The following PPP2R1A variants were observed in gnomAD, a reference collection of about 807,000 sequenced individuals.
The protein encoded by PPP2R1A is protein phosphatase 2 scaffold subunit Aalpha.
A neutral mutation model predicts 67.1 loss-of-function variants in PPP2R1A; 15 were observed. The ratio of observed to expected loss-of-function variants is 0.22; its 90% CI spans 0.15 to 0.34. The LOEUF (loss-of-function observed/expected upper bound fraction) is 0.34. Ranked by LOEUF, PPP2R1A falls within the 10% of genes least tolerant of loss-of-function variation. The pLI, the probability that PPP2R1A is intolerant of heterozygous loss-of-function variation, is 1.00. For synonymous variants in PPP2R1A, 337 were observed against 325.0 expected (o/e 1.04, Z -0.40); for missense variants, 369 against 775.0 (o/e 0.48, Z 6.22).
chr19:52,224,731 G>A lies in PPP2R1A; in HGVS notation c.1662-986G>A, dbSNP rs916777702. 3.3e-5 allele frequency among the ~76,000 whole-genome samples: 5 copies of A among 152,116 alleles called. No individual in the cohort carries two copies. In the East Asian group the frequency reaches 9.6e-4, roughly 29 times the overall value. On this transcript the variant is annotated intron_variant, in intron 13 of 14. Coordinates refer to ENST00000322088, the MANE Select transcript of PPP2R1A (RefSeq NM_014225.6). The stretch of plus-strand genomic sequence containing the variant: ...TGGTTTTCCTTTGAGGCAGAATCTC[G>A]CTCTGTCGCCCAGACTGGAGTACAG...
chr19:52,202,083 G>A (rs2089555223), intron 2 of PPP2R1A, 49 bp downstream of exon 2: 2 of 1,481,582 alleles, frequency 1.3e-6, no homozygotes, highest in African/African-American at 2.8e-5. Context: ...CTTGGGAGGT[G>A]GTTTTCACTA....
intron 13 of PPP2R1A, among the ~76,000 whole-genome samples, chr19:52,223,519 C>G (rs1004631966): frequency 6.6e-6 from 1 of 152,060 alleles, no homozygotes; most frequent in African/African-American, 2.4e-5. Flanking sequence ...TACCTGTCTA[C>G]AAATCAGGCA....
intron 9 of PPP2R1A, among the ~76,000 whole-genome samples, chr19:52,218,042 A>T (rs897364147): frequency 6.6e-6 from 1 of 152,132 alleles, no homozygotes; most frequent in Non-Finnish European, 1.5e-5. Context: ...GTATGTAGAG[A>T]TGAGGCTGCA....
rs537776204 is a variant in PPP2R1A, at chr19:52,227,569, A to T, written c.*1588A>T. On this transcript the variant is annotated 3_prime_UTR_variant, in exon 15 of 15. Transcript: ENST00000322088. ...TGCATGGAAGGGTTTCACAGAGGAA[A>T]TGATGCTTGAGCACATTTTGACCCA... 6.6e-6 allele frequency: 1 copy of T among 152,220 alleles called. No homozygotes were observed. Among genetic ancestry groups the T allele is most frequent in the African/African-American group, 2.4e-5 (1 of 41,442 alleles). 9.4% of individuals were successfully genotyped at this position (152,220 alleles called of 1,614,324 possible). A position where few individuals can be genotyped will look rare whatever the true frequency, so the allele number is the denominator to read the frequency against.
rs1362310896 is a variant in PPP2R1A, at chr19:52,213,468, T to TG, written c.807+358_807+359insG. 4.5e-5 allele frequency among the ~76,000 whole-genome samples: 5 copies of TG among 111,380 alleles called. No individual in the cohort carries two copies. The highest frequency in any genetic ancestry group is 1.6e-4 in the Admixed American group (2 of 12,182). 73.1% of individuals were successfully genotyped at this position (111,380 alleles called of 152,430 possible). A position where few individuals can be genotyped will look rare whatever the true frequency, so the allele number is the denominator to read the frequency against. On this transcript the variant is annotated intron_variant, in intron 6 of 14. Transcript: ENST00000322088. This position sits in a 1 kb window ranked among gnomAD's most constrained non-coding sequence, Gnocchi z 4.2. The stretch of plus-strand genomic sequence containing the variant: ...TGGGGTTTTTTGGTGTTTTTTTTTT[T>TG]TTTTTTTTTTTTTTTTTTTAAGATG...
chr19:52,222,339 A>G (rs1313297454), intron 13 of PPP2R1A, 98 bp downstream of exon 13: 15 of 1,468,674 alleles, frequency 1.0e-5, no homozygotes, highest in East Asian at 4.9e-5. Flanking sequence ...GAGGCCTGGC[A>G]GCGCTCCTTG....
At chr19:52,195,440 A>G (rs2089489371) in intron 1 of PPP2R1A, among the ~76,000 whole-genome samples, 1 of 152,216 alleles carries the variant, frequency 6.6e-6, no homozygotes, top group Non-Finnish European at 1.5e-5. Flanking sequence ...GCAAGCATTC[A>G]GTTCTGCAGC....
At chr19:52,225,658 C>T (rs2122381290) in intron 13 of PPP2R1A, 59 bp from the exon 14 acceptor site, 2 of 1,512,350 alleles carry the variant, frequency 1.3e-6, no homozygotes, top group South Asian at 1.1e-5. Flanking sequence ...CTGTGCCCAC[C>T]TGTTGCCCCA....
At chr19:52,218,875 C>T (rs1427514673) in intron 9 of PPP2R1A, among the ~76,000 whole-genome samples, 1 of 152,196 alleles carries the variant, frequency 6.6e-6, no homozygotes, top group South Asian at 2.1e-4. Flanking sequence ...GGCAGCCAGC[C>T]TGTCTCAGGG....
Position 52,211,575 on chromosome 19 carries a change from C to A in PPP2R1A, c.503+83C>A. ...AAGCCTCAGACTCCTTTTGGTCTAG[C>A]TGGGGCCCAAATGCCCCTGAACTCT... On this transcript the variant is annotated intron_variant, in intron 4 of 14. Transcript: ENST00000322088. The surrounding 1 kb of genome is among the most constrained non-coding windows in gnomAD (Gnocchi z 5.3). 1 of 1,420,728 alleles carries A rather than the reference C, an allele frequency of 7.0e-7. No homozygotes were observed. The highest frequency in any genetic ancestry group is 9.5e-7 in the Non-Finnish European group (1 of 1,051,190). The allele number at this position is 1,420,728 out of a possible 1,614,324, so 88.0% of individuals were successfully genotyped here.
Position 52,213,469 on chromosome 19 carries a change from T to TG in PPP2R1A, c.807+359_807+360insG, listed in dbSNP as rs1568594600. Reference sequence around the variant, plus strand: ...GGGGTTTTTTGGTGTTTTTTTTTTTTTTTTTTTTTTTTTTTTTTAAGATGG... The same window carrying TG: ...GGGGTTTTTTGGTGTTTTTTTTTTTTGTTTTTTTTTTTTTTTTTTAAGATGG... On this transcript the variant is annotated intron_variant, in intron 6 of 14. Coordinates refer to ENST00000322088, the MANE Select transcript of PPP2R1A (RefSeq NM_014225.6). This position sits in a 1 kb window ranked among gnomAD's most constrained non-coding sequence, Gnocchi z 4.2. Among the ~76,000 whole-genome samples the TG allele has an allele frequency of 1.8e-5, 2 of 113,942 alleles. No individual in the cohort carries two copies. Among genetic ancestry groups the TG allele is most frequent in the Non-Finnish European group, 3.6e-5 (2 of 56,054 alleles). The allele number at this position is 113,942 out of a possible 152,430, so 74.8% of individuals were successfully genotyped here.
rs10413435 is a variant in PPP2R1A at position 52,225,777 on chromosome 19, C to T, written c.1722C>T (p.Asp574=). 121,866 of 1,613,904 alleles carry T rather than the reference C, an allele frequency of 0.076. 4,961 individuals are homozygous for T. The highest frequency in any genetic ancestry group is 0.13 in the African/African-American group (10,075 of 74,982). The change falls in exon 14 of 15, where the codon GAC becomes GAT. Residue 574 remains aspartate, a synonymous_variant. Transcript: ENST00000322088. ...AGCTGACCCAGGACCAGGATGTGGACGTCAAATACTTTGCCCAGGAGGCTC... is the reference window on the plus strand; with the variant it reads ...AGCTGACCCAGGACCAGGATGTGGATGTCAAATACTTTGCCCAGGAGGCTC... ...LEKLTQDQDV[D]VKYFAQEALT...
chr19:52,212,089 G>A lies in PPP2R1A; in HGVS notation c.503+597G>A, dbSNP rs2089675598. ...CTGCCTCTTAGTTAAGCAGTTTTTT[G>A]TTTGTTTGTTTTTTGAGATAGGATC... is the stretch of plus-strand genomic sequence containing the variant. On this transcript the variant is annotated intron_variant, in intron 4 of 14. Coordinates refer to ENST00000322088, the MANE Select transcript of PPP2R1A (RefSeq NM_014225.6). This position sits in a 1 kb window ranked among gnomAD's most constrained non-coding sequence, Gnocchi z 4.1. 6.6e-6 allele frequency among the ~76,000 whole-genome samples: 1 copy of A among 152,122 alleles called. No homozygotes were observed. Among genetic ancestry groups the A allele is most frequent in the Non-Finnish European group, 1.5e-5 (1 of 68,006 alleles).
intron 3 of PPP2R1A, among the ~76,000 whole-genome samples, chr19:52,208,777 G>A (rs2089634755): frequency 6.6e-6 from 1 of 152,210 alleles, no homozygotes. Context: ...GGGATTACAG[G>A]CGTGAGCCAC....
At chr19:52,220,697 G>T (rs553994995) in intron 11 of PPP2R1A, among the ~76,000 whole-genome samples, 4 of 152,178 alleles carry the variant, frequency 2.6e-5, no homozygotes, top group Admixed American at 1.3e-4. Context: ...AGTAATAAGT[G>T]CCACATAATT....
At position 52,190,228 on chromosome 19, in the gene PPP2R1A, G is replaced by T. The variant is rs898301968; in HGVS notation, c.78+54G>T. ...GACGCGGAGGGGTACCTGGGGGCACGGGCGGCCCTCGCGGAGAAGACTCAG... is the reference window on the plus strand; with the variant it reads ...GACGCGGAGGGGTACCTGGGGGCACTGGCGGCCCTCGCGGAGAAGACTCAG... On this transcript the variant is annotated intron_variant, in intron 1 of 14. Coordinates refer to ENST00000322088, the MANE Select transcript of PPP2R1A (RefSeq NM_014225.6). 1.8e-5 allele frequency: 27 copies of T among 1,529,142 alleles called. No individual in the cohort carries two copies. The highest frequency in any genetic ancestry group is 2.2e-5 in the Non-Finnish European group (25 of 1,132,134). 94.7% of individuals were successfully genotyped at this position (1,529,142 alleles called of 1,614,324 possible).
In PPP2R1A at chr19:52,212,019, G is replaced by A. The variant is rs1177283102; in HGVS notation, c.503+527G>A. ...ACACTGGCCCCCACCGCCTTTGATC[G>A]AAGCAATTGCTGCTGAAAAATAAAG... On this transcript the variant is annotated intron_variant, in intron 4 of 14. Transcript: ENST00000322088. This position sits in a 1 kb window ranked among gnomAD's most constrained non-coding sequence, Gnocchi z 4.1. Among the ~76,000 whole-genome samples the A allele has an allele frequency of 2.0e-5, 3 of 152,310 alleles. No homozygotes were observed. Among genetic ancestry groups the A allele is most frequent in the East Asian group, 3.9e-4 (2 of 5,188 alleles).
In PPP2R1A at chr19:52,190,056, C is replaced by A. The variant is rs950708823; in HGVS notation, c.-41C>A. On this transcript the variant is annotated 5_prime_UTR_variant, in exon 1 of 15. Coordinates refer to ENST00000322088, the MANE Select transcript of PPP2R1A (RefSeq NM_014225.6). ...GCATTGCCCCCCCCACGTTTCAGCACAGCGCTGGCCGCAGTCTGACAGGAA... is the reference window on the plus strand; with the variant it reads ...GCATTGCCCCCCCCACGTTTCAGCAAAGCGCTGGCCGCAGTCTGACAGGAA... The A allele has an allele frequency of 1.3e-6, 2 of 1,511,544 alleles. No homozygotes were observed. Among genetic ancestry groups the A allele is most frequent in the African/African-American group, 1.4e-5 (1 of 70,646 alleles). The allele number at this position is 1,511,544 out of a possible 1,614,324, so 93.6% of individuals were successfully genotyped here. A position where few individuals can be genotyped will look rare whatever the true frequency, so the allele number is the denominator to read the frequency against.
rs1445549293 is a variant in PPP2R1A, at chr19:52,211,544, T to C, written c.503+52T>C. 2 of 1,542,836 alleles carry C rather than the reference T, an allele frequency of 1.3e-6. No homozygotes were observed. Among genetic ancestry groups the C allele is most frequent in the Admixed American group, 1.9e-5 (1 of 53,978 alleles). On this transcript the variant is annotated intron_variant, in intron 4 of 14. Coordinates refer to ENST00000322088, the MANE Select transcript of PPP2R1A (RefSeq NM_014225.6). This position sits in a 1 kb window ranked among gnomAD's most constrained non-coding sequence, Gnocchi z 5.3. ...CAAGCTCCCATCTCAGCTCCAACCT[T>C]CTCTAAAGCCTCAGACTCCTTTTGG...
Sources: allele counts gnomAD v4.1 joint callset (sites outside exome capture counted in the v4.1 genomes callset), GRCh38; gene constraint gnomAD v4.1.1; non-coding constraint Gnocchi (gnomAD v3.1); transcripts MANE v1.5; gene names NCBI Gene and HGNC (gene_info 2026-07-23, HGNC 2026-07-21).